SOX6: variants seen among roughly 807,000 people sequenced by gnomAD.
SOX6 encodes the protein SRY-box transcription factor 6.
Under a neutral mutation model 97.8 loss-of-function variants are expected in SOX6, and 11 were observed. The ratio of observed to expected loss-of-function variants is 0.11; its 90% CI spans 0.07 to 0.19. The LOEUF (loss-of-function observed/expected upper bound fraction) is 0.19. SOX6 is among the 10% of genes least tolerant of loss of function. The probability of loss-of-function intolerance (pLI) is 1.00; values close to 1 mark genes in which losing one functional copy is unlikely to be tolerated. For synonymous variants in SOX6, 360 were observed against 371.4 expected, an observed-to-expected ratio of 0.97 and a Z score of 0.35; for missense variants, 810 against 1,039.5, an observed-to-expected ratio of 0.78 and a Z score of 3.04.
intron 6 of SOX6, among the ~76,000 whole-genome samples, chr11:16,168,394 C>T (rs1850941545): frequency 6.6e-6 from 1 of 152,006 alleles, no homozygotes. Flanking sequence ...CAAGCTTAAC[C>T]TAATTAATTC....
chr11:16,379,579 A>T (rs1457780341), intron 1 of SOX6, among the ~76,000 whole-genome samples: 1 of 152,194 alleles, frequency 6.6e-6, no homozygotes, highest in East Asian at 1.9e-4. Context: ...TCATATTGAC[A>T]ATGGTTAAAA....
chr11:16,401,154 T>C (rs1048589318), intron 1 of SOX6, among the ~76,000 whole-genome samples: 2 of 151,538 alleles, frequency 1.3e-5, no homozygotes, highest in Non-Finnish European at 3.0e-5. Flanking sequence ...AAAGAACAGT[T>C]AACTAACTTA....
Position 16,043,461 on chromosome 11 carries a change from T to A in SOX6, c.1623+3053A>T, listed in dbSNP as rs190282181. On this transcript the variant is annotated intron_variant, in intron 12 of 15. Coordinates refer to ENST00000683767, the MANE Select transcript of SOX6 (RefSeq NM_001367873.1). ...ACACATCGACACAGTCGACAATGAC[T>A]CCACTGGTGCCGTGCTGGCCAATCA... Among the ~76,000 whole-genome samples, 442 of 152,234 alleles carry A rather than the reference T, an allele frequency of 2.9e-3. 2 individuals are homozygous for A. Among genetic ancestry groups the A allele is most frequent in the African/African-American group, 0.01 (423 of 41,552 alleles).
intron 1 of SOX6, among the ~76,000 whole-genome samples, chr11:16,459,230 C>T (rs962231060): frequency 6.6e-6 from 1 of 151,920 alleles, no homozygotes; most frequent in Non-Finnish European, 1.5e-5. Flanking sequence ...GAGAATGATC[C>T]CTGTACTAAA....
chr11:16,703,501 T>C (rs1324579243), intron 3 of SOX6, among the ~76,000 whole-genome samples: 1 of 152,118 alleles, frequency 6.6e-6, no homozygotes, highest in Non-Finnish European at 1.5e-5. Flanking sequence ...CTTCTTTAAA[T>C]TACAAAGACA....
intron 4 of SOX6, among the ~76,000 whole-genome samples, chr11:16,591,081 C>T (rs1357593180): frequency 4.3e-4 from 65 of 151,904 alleles, no homozygotes; most frequent in Non-Finnish European, 1.6e-4. Context: ...TATGTAACCA[C>T]AAAAATTAAT....
chr11:16,700,100 C>T (rs1848082069), intron 3 of SOX6, among the ~76,000 whole-genome samples: 1 of 151,840 alleles, frequency 6.6e-6, no homozygotes, highest in Non-Finnish European at 1.5e-5. Context: ...ATACATGATA[C>T]AAAGAAATGG....
At chr11:16,229,415 G>C (rs1412697220) in intron 4 of SOX6, among the ~76,000 whole-genome samples, 2 of 151,990 alleles carry the variant, frequency 1.3e-5, no homozygotes, top group Non-Finnish European at 2.9e-5. Context: ...CAGGAAAGGA[G>C]AGATAATAAG....
intron 7 of SOX6, among the ~76,000 whole-genome samples, chr11:16,102,230 C>T (rs1478319146): frequency 6.6e-6 from 1 of 151,848 alleles, no homozygotes; most frequent in East Asian, 1.9e-4. Context: ...CTGCTATACA[C>T]CAACAGTGAC....
chr11:16,006,732 G>A (rs1311094756), intron 13 of SOX6, among the ~76,000 whole-genome samples: 1 of 151,970 alleles, frequency 6.6e-6, no homozygotes, highest in Non-Finnish European at 1.5e-5. Context: ...AAACTGCTTT[G>A]GTTTTTATGT....
At chr11:16,370,932 T>C (rs1857480026) in intron 1 of SOX6, among the ~76,000 whole-genome samples, 1 of 151,952 alleles carries the variant, frequency 6.6e-6, no homozygotes, top group South Asian at 2.1e-4. Flanking sequence ...GGTCACCCTG[T>C]TTCTACTCTT....
chr11:16,057,614 T>C (rs1847851587), intron 9 of SOX6, among the ~76,000 whole-genome samples: 1 of 152,160 alleles, frequency 6.6e-6, no homozygotes, highest in Admixed American at 6.6e-5. Context: ...TTTGCCTCTC[T>C]TGTACTGGTG....
At chr11:16,401,362 G>C (rs1335290584) in intron 1 of SOX6, among the ~76,000 whole-genome samples, 2 of 151,266 alleles carry the variant, frequency 1.3e-5, no homozygotes, top group Non-Finnish European at 3.0e-5. Context: ...ATTTAAAATG[G>C]AGCGTTAATA....
intron 4 of SOX6, among the ~76,000 whole-genome samples, chr11:16,543,767 AC>A (rs1847583010): frequency 1.3e-5 from 2 of 152,164 alleles, no homozygotes; most frequent in Non-Finnish European, 2.9e-5. Context: ...AAATTAGCAC[AC>A]TCAATACATT....
chr11:16,497,545 T>C (rs1351866594), intron 4 of SOX6, among the ~76,000 whole-genome samples: 2 of 150,208 alleles, frequency 1.3e-5, no homozygotes, highest in Non-Finnish European at 3.0e-5. Flanking sequence ...TTCAAACCCA[T>C]GGCAAAGAAG....
chr11:16,458,256 T>C (rs1360154733), intron 1 of SOX6, among the ~76,000 whole-genome samples: 1 of 151,994 alleles, frequency 6.6e-6, no homozygotes, highest in Non-Finnish European at 1.5e-5. Flanking sequence ...TTACTATATG[T>C]TGGAAACTAG....
intron 13 of SOX6, among the ~76,000 whole-genome samples, chr11:16,006,036 A>C (rs930817257): frequency 6.6e-6 from 1 of 152,046 alleles, no homozygotes; most frequent in African/African-American, 2.4e-5. Flanking sequence ...TCGATCAGTC[A>C]CAGTAGACAG....
intron 3 of SOX6, among the ~76,000 whole-genome samples, chr11:16,306,721 G>C (rs1451423103): frequency 6.7e-6 from 1 of 148,730 alleles, no homozygotes; most frequent in East Asian, 2.0e-4. Context: ...CACCTCCCCA[G>C]TTCAAGCAAT....
intron 4 of SOX6, among the ~76,000 whole-genome samples, chr11:16,549,763 G>C (rs984257072): frequency 6.6e-6 from 1 of 152,076 alleles, no homozygotes; most frequent in Non-Finnish European, 1.5e-5. Context: ...CTCAGCAAAA[G>C]AATGATACAA....
Sources: gnomAD v4.1 joint callset for allele counts (sites outside exome capture counted in the v4.1 genomes callset) on GRCh38, gnomAD v4.1.1 for gene constraint, MANE v1.5 for transcripts, NCBI Gene and HGNC (gene_info 2026-07-23, HGNC 2026-07-21) for gene names.